Variants in ANO3 observed in about 807,000 individuals in gnomAD.
ANO3 encodes anoctamin-3.
A neutral mutation model predicts 144.8 loss-of-function variants in ANO3; 99 were observed. That is an observed-to-expected ratio of 0.68 (90% CI 0.58 to 0.81). The LOEUF is 0.81. ANO3 is among the 30% of genes least tolerant of loss of function. ANO3 has a pLI of 0.00. For missense variants in ANO3, 905 were observed against 1,202.2 expected, an observed-to-expected ratio of 0.75 and a Z score of 3.66; for synonymous variants, 414 against 392.6, an observed-to-expected ratio of 1.05 and a Z score of -0.64.
At chr11:26,381,491 C>T (rs1049136340) in intron 1 of ANO3, among the ~76,000 whole-genome samples, 3 of 152,064 alleles carry the variant, frequency 2.0e-5, no homozygotes, top group Non-Finnish European at 2.9e-5. Context: ...ATATCCCATC[C>T]CATTATCAAG....
At chr11:26,541,440 A>G (rs1377551957) in intron 10 of ANO3, among the ~76,000 whole-genome samples, 1 of 152,188 alleles carries the variant, frequency 6.6e-6, no homozygotes. Context: ...AACATAAATT[A>G]TAATAAAAAA....
chr11:26,465,390 T>C (rs1040710478), intron 4 of ANO3, among the ~76,000 whole-genome samples: 22 of 151,868 alleles, frequency 1.4e-4, no homozygotes, highest in African/African-American at 4.8e-4. Flanking sequence ...GTAATCTACA[T>C]TGTGCATATT....
intron 1 of ANO3, among the ~76,000 whole-genome samples, chr11:26,199,620 G>A (rs1005640315): frequency 1.3e-5 from 2 of 152,182 alleles, no homozygotes; most frequent in African/African-American, 2.4e-5. Flanking sequence ...TATGGAAGTT[G>A]TTGATATTAA....
At chr11:26,189,735 A>G (rs1481045412) in intron 1 of ANO3, among the ~76,000 whole-genome samples, 5 of 152,202 alleles carry the variant, frequency 3.3e-5, no homozygotes, top group Non-Finnish European at 5.9e-5. Context: ...CGTATGCACA[A>G]TTATATAAAG....
chr11:26,604,229 TG>T (rs1215358674), intron 17 of ANO3, among the ~76,000 whole-genome samples: 1 of 152,092 alleles, frequency 6.6e-6, no homozygotes, highest in African/African-American at 2.4e-5. Context: ...AGTAGATACG[TG>T]GTGTTATTTC....
chr11:26,614,678 G>A lies in ANO3; in HGVS notation c.1837-9784G>A, dbSNP rs1201461273. 2.6e-5 allele frequency among the ~76,000 whole-genome samples: 4 copies of A among 152,160 alleles called. No homozygotes were observed. The East Asian group carries it at 5.8e-4, about 22-fold the overall frequency. On this transcript the variant is annotated intron_variant, in intron 17 of 26. Coordinates refer to ENST00000256737, the MANE Select transcript of ANO3 (RefSeq NM_031418.4). ...CCTGTAGCAAGGATTGCTGGTGTTT[G>A]TGGTTGCAATGGGGACCACTGAGGA...
chr11:26,306,941 T>C (rs1308597070), upstream of ANO3, among the ~76,000 whole-genome samples: 1 of 152,254 alleles, frequency 6.6e-6, no homozygotes, highest in Non-Finnish European at 1.5e-5. Flanking sequence ...ACAACCTTTA[T>C]TGAAGCTTCA....
At chr11:26,533,204 A>C (rs1373948911) in intron 8 of ANO3, among the ~76,000 whole-genome samples, 5 of 152,232 alleles carry the variant, frequency 3.3e-5, no homozygotes, top group Non-Finnish European at 7.3e-5. Context: ...GAGAGAGAGC[A>C]GCACATCCAA....
chr11:26,261,457 C>A (rs568735620), intron 1 of ANO3, among the ~76,000 whole-genome samples: 34 of 152,296 alleles, frequency 2.2e-4, no homozygotes, highest in African/African-American at 6.0e-4. Context: ...AAAATCATCA[C>A]CTGATTGCTT....
intron 4 of ANO3, among the ~76,000 whole-genome samples, chr11:26,493,426 T>C (rs1221192348): frequency 6.6e-6 from 1 of 152,164 alleles, no homozygotes; most frequent in Non-Finnish European, 1.5e-5. Context: ...AGCATAGTTT[T>C]AATGACCTTC....
chr11:26,652,993 C>T (rs6484235), intron 24 of ANO3, among the ~76,000 whole-genome samples: 52,604 of 152,150 alleles, frequency 0.35, 9,963 homozygotes, highest in South Asian at 0.48. Context: ...ACCAGCCACA[C>T]CTGCCAAGTC....
intron 1 of ANO3, among the ~76,000 whole-genome samples, chr11:26,312,877 T>C (rs556839191): frequency 6.2e-4 from 95 of 152,314 alleles, no homozygotes; most frequent in African/African-American, 2.3e-3. Context: ...GAAAGGCTTC[T>C]CTTCTTTTAG....
chr11:26,550,257 A>G (rs1330849268), intron 12 of ANO3, among the ~76,000 whole-genome samples: 1 of 151,794 alleles, frequency 6.6e-6, no homozygotes. Context: ...TCAATTGATT[A>G]TTAATAAATA....
At position 26,283,717 on chromosome 11, in the gene ANO3, A is replaced by T. The variant is rs1004759648; in HGVS notation, c.155-25928A>T. ...AGAGACTTTAAAACACCAACTTTCCAGGGTACTAGAAATCTAATGGTTAAC... is the reference window on the plus strand; with the variant it reads ...AGAGACTTTAAAACACCAACTTTCCTGGGTACTAGAAATCTAATGGTTAAC... On this transcript the variant is annotated intron_variant, in intron 1 of 27. Transcript: ENST00000672621. 2.6e-5 allele frequency among the ~76,000 whole-genome samples: 4 copies of T among 152,148 alleles called. No homozygotes were observed. In the East Asian group the frequency reaches 7.7e-4, roughly 29 times the overall value.
intron 1 of ANO3, among the ~76,000 whole-genome samples, chr11:26,301,709 C>G (rs1371584270): frequency 6.6e-6 from 1 of 152,142 alleles, no homozygotes; most frequent in African/African-American, 2.4e-5. Flanking sequence ...TTCTTACATA[C>G]CTACAGTTGC....
intron 1 of ANO3, among the ~76,000 whole-genome samples, chr11:26,384,135 C>G (rs1012551739): frequency 6.6e-6 from 1 of 151,848 alleles, no homozygotes; most frequent in African/African-American, 2.4e-5. Context: ...CTCTTAAACT[C>G]GTGATCCGCC....
chr11:26,345,588 G>A (rs1474928706), intron 1 of ANO3, among the ~76,000 whole-genome samples: 1 of 152,096 alleles, frequency 6.6e-6, no homozygotes, highest in Non-Finnish European at 1.5e-5. Context: ...TATCCTTGAT[G>A]TGAATTGTAC....
intron 1 of ANO3, among the ~76,000 whole-genome samples, chr11:26,428,592 A>G (rs1369944268): frequency 1.3e-5 from 2 of 152,186 alleles, no homozygotes; most frequent in Non-Finnish European, 2.9e-5. Flanking sequence ...AATAGTTTTC[A>G]TCATGTTAGA....
At chr11:26,348,265 A>T (rs897594742) in intron 1 of ANO3, among the ~76,000 whole-genome samples, 2 of 152,178 alleles carry the variant, frequency 1.3e-5, no homozygotes, top group Non-Finnish European at 1.5e-5. Flanking sequence ...ACTTATAACC[A>T]CAACAGTACT....
Sources: allele counts gnomAD v4.1 joint callset (sites outside exome capture counted in the v4.1 genomes callset), GRCh38; gene constraint gnomAD v4.1.1; transcripts MANE v1.5; gene names NCBI Gene and HGNC (gene_info 2026-07-23, HGNC 2026-07-21).